The following CDKL1 variants were observed in gnomAD, a reference collection of about 807,000 sequenced individuals.
CDKL1 encodes cyclin-dependent kinase-like 1.
CDKL1 carries 41 observed loss-of-function variants against 42.0 expected under a neutral mutation model. That is an observed-to-expected ratio of 0.98 (90% CI 0.76 to 1.27). The LOEUF (loss-of-function observed/expected upper bound fraction) is 1.27. CDKL1 is among the 50% of genes most tolerant of loss of function. The probability of loss-of-function intolerance (pLI) is 0.00; values close to 1 mark genes in which losing one functional copy is unlikely to be tolerated. For synonymous variants in CDKL1, 153 were observed against 158.6 expected (o/e 0.96, Z 0.26); for missense variants, 394 against 428.4 (o/e 0.92, Z 0.71).
intron 2 of CDKL1, among the ~76,000 whole-genome samples, chr14:50,372,213 G>A (rs1489652647): frequency 1.3e-5 from 2 of 152,212 alleles, no homozygotes; most frequent in African/African-American, 2.4e-5. Context: ...TCCTGGCTGG[G>A]TTCAAACAAT....
At position 50,384,784 on chromosome 14, in the gene CDKL1, T is replaced by C. The variant is rs558137200; in HGVS notation, c.168+10917A>G. 7.9e-5 allele frequency among the ~76,000 whole-genome samples: 12 copies of C among 152,064 alleles called. No individual in the cohort carries two copies. In the South Asian group the frequency reaches 2.5e-3, roughly 32 times the overall value. On this transcript the variant is annotated intron_variant, in intron 2 of 9. Transcript: ENST00000395834. Reference sequence around the variant, plus strand: ...ACTGTTTTACATCACCATTGGTTGATGCCGGCTATGGCGGCTCGGTTCACA... The same window carrying C: ...ACTGTTTTACATCACCATTGGTTGACGCCGGCTATGGCGGCTCGGTTCACA...
chr14:50,358,315 T>C (rs11570816), intron 3 of CDKL1, among the ~76,000 whole-genome samples: 116,681 of 152,134 alleles, frequency 0.77, 45,725 homozygotes, highest in African/African-American at 0.94. Flanking sequence ...CCGGATTGCT[T>C]CCAGTGAAAT....
chr14:50,327,904 CA>C lies in CDKL1; in HGVS notation c.*2169del, dbSNP rs1176679518. On this transcript the variant is annotated 3_prime_UTR_variant, in exon 10 of 10. Coordinates refer to ENST00000395834, the MANE Select transcript of CDKL1 (RefSeq NM_004196.7). Reference sequence around the variant, plus strand: ...CAGTATAAATGGTAATTGCCACTGTCATTTTAAAAATCAGAAAATAGTAAAT... The same window carrying C: ...CAGTATAAATGGTAATTGCCACTGTCTTTTAAAAATCAGAAAATAGTAAAT... The C allele has an allele frequency of 1.3e-5, 2 of 152,134 alleles. No homozygotes were observed. Among genetic ancestry groups the C allele is most frequent in the Non-Finnish European group, 2.9e-5 (2 of 68,038 alleles). The allele number at this position is 152,134 out of a possible 1,614,324, so 9.4% of individuals were successfully genotyped here.
In CDKL1 at chr14:50,377,754, C is replaced by T. The variant is rs17122466; in HGVS notation, c.168+17947G>A. 7.2e-3 allele frequency: 8,690 copies of T among 1,210,884 alleles called. 222 individuals are homozygous for T. In the African/African-American group the frequency reaches 0.081, roughly 11 times the overall value. The allele number at this position is 1,210,884 out of a possible 1,614,324, so 75.0% of individuals were successfully genotyped here. A position where few individuals can be genotyped will look rare whatever the true frequency, so the allele number is the denominator to read the frequency against. The stretch of plus-strand genomic sequence containing the variant: ...ACTGCAGTGGCACATGAGTGGTATG[C>T]GGCAATGGTCATTATGGGAAGTATT... On this transcript the variant is annotated intron_variant, in intron 2 of 9. Coordinates refer to ENST00000395834, the MANE Select transcript of CDKL1 (RefSeq NM_004196.7).
chr14:50,345,336 C>CCTAT (rs2139410589), intron 3 of CDKL1, among the ~76,000 whole-genome samples: 1 of 152,324 alleles, frequency 6.6e-6, no homozygotes, highest in African/African-American at 2.4e-5. Context: ...TTTATAACCA[C>CCTAT]CTATCTCAAA....
intron 2 of CDKL1, among the ~76,000 whole-genome samples, chr14:50,383,791 G>A (rs528194974): frequency 3.2e-4 from 48 of 152,212 alleles, no homozygotes; most frequent in African/African-American, 1.1e-3. Flanking sequence ...ACTGACAGAT[G>A]GTGGTATGTG....
intron 3 of CDKL1, chr14:50,358,110 GTCT>G: frequency 7.3e-7 from 1 of 1,361,154 alleles, no homozygotes; most frequent in Non-Finnish European, 9.8e-7. Context: ...TGCTCACCAA[GTCT>G]TCTTCCAGTG....
At chr14:50,367,861 T>G (rs9635166) in intron 2 of CDKL1, among the ~76,000 whole-genome samples, 72,827 of 152,094 alleles carry the variant, frequency 0.48, 17,836 homozygotes, top group East Asian at 0.8. Context: ...GACTCAGATT[T>G]ACTTTCTCTT....
intron 2 of CDKL1, among the ~76,000 whole-genome samples, chr14:50,367,555 G>T (rs531257314): frequency 6.6e-6 from 1 of 152,186 alleles, no homozygotes; most frequent in South Asian, 2.1e-4. Flanking sequence ...ACGTACAAAC[G>T]AATTAGATGA....
intron 9 of CDKL1, chr14:50,330,802 T>G (rs2032893585): frequency 6.6e-6 from 1 of 152,368 alleles, no homozygotes; most frequent in African/African-American, 2.4e-5. Flanking sequence ...ATTTTTTGTA[T>G]TGCACTATAT....
At chr14:50,369,635 CAT>C (rs1491168053) in intron 2 of CDKL1, among the ~76,000 whole-genome samples, 33 of 111,692 alleles carry the variant, frequency 3.0e-4, no homozygotes, top group Admixed American at 2.2e-3. Context: ...CACACACACA[CAT>C]ATATATATAG....
At chr14:50,359,556 T>A (rs1347961166) in intron 2 of CDKL1, among the ~76,000 whole-genome samples, 1 of 152,104 alleles carries the variant, frequency 6.6e-6, no homozygotes, top group Non-Finnish European at 1.5e-5. Context: ...ACTGAGTAAT[T>A]AATAAATAAT....
chr14:50,335,859 C>G, intron 7 of CDKL1: 1 of 1,278,150 alleles, frequency 7.8e-7, no homozygotes, highest in Non-Finnish European at 1.0e-6. Flanking sequence ...TGTACACATA[C>G]TAATCATTGA....
intron 3 of CDKL1, among the ~76,000 whole-genome samples, chr14:50,348,504 C>T (rs533761577): frequency 2.6e-5 from 4 of 152,316 alleles, no homozygotes; most frequent in African/African-American, 7.2e-5. Flanking sequence ...ATGCTGAATG[C>T]TGGGATTCCC....
intron 3 of CDKL1, among the ~76,000 whole-genome samples, chr14:50,351,033 C>T (rs902847306): frequency 6.6e-6 from 1 of 152,048 alleles, no homozygotes; most frequent in Admixed American, 6.6e-5. Flanking sequence ...TGTTTCACCC[C>T]CCAGGAACAT....
intron 2 of CDKL1, chr14:50,362,953 G>C (rs1368101130): frequency 2.2e-6 from 1 of 464,282 alleles, no homozygotes; most frequent in Non-Finnish European, 4.5e-6. Context: ...TCTTGCTGCT[G>C]CTCACGCTTT....
intron 7 of CDKL1, among the ~76,000 whole-genome samples, chr14:50,338,258 G>A (rs183374813): frequency 4.6e-5 from 7 of 152,028 alleles, no homozygotes; most frequent in Middle Eastern, 6.8e-3. Flanking sequence ...TTGCTCTGTC[G>A]CCCACCCAGG....
chr14:50,354,837 T>C (rs750199897), intron 3 of CDKL1, among the ~76,000 whole-genome samples: 3 of 152,144 alleles, frequency 2.0e-5, no homozygotes, highest in Non-Finnish European at 4.4e-5. Flanking sequence ...CAGGTTCAAA[T>C]GAGAAGTCTT....
intron 7 of CDKL1, among the ~76,000 whole-genome samples, 178 bp downstream of exon 7, chr14:50,338,769 T>G (rs45595431): frequency 3.9e-5 from 6 of 152,310 alleles, no homozygotes; most frequent in East Asian, 1.9e-4. Context: ...GACTCTGTTA[T>G]CAGCAGCCTC....
Sources: allele counts gnomAD v4.1 joint callset (sites outside exome capture counted in the v4.1 genomes callset), GRCh38; gene constraint gnomAD v4.1.1; transcripts MANE v1.5; gene names NCBI Gene and HGNC (gene_info 2026-07-23, HGNC 2026-07-21).